Variants in SUGCT observed in about 807,000 individuals in gnomAD.
The protein encoded by SUGCT is succinyl-CoA:glutarate-CoA transferase.
SUGCT carries 41 observed loss-of-function variants against 55.0 expected under a neutral mutation model. The ratio of observed to expected loss-of-function variants is 0.74; its 90% confidence interval spans 0.58 to 0.97. SUGCT has a LOEUF of 0.97. Ranked by LOEUF, SUGCT falls within the 50% of genes least tolerant of loss-of-function variation. The probability of loss-of-function intolerance (pLI) is 0.00; values close to 1 mark genes in which losing one functional copy is unlikely to be tolerated. For missense variants in SUGCT, 568 were observed against 547.8 expected, an observed-to-expected ratio of 1.04 and a Z score of -0.37; for synonymous variants, 187 against 200.4, an observed-to-expected ratio of 0.93 and a Z score of 0.56.
At chr7:40,648,516 G>A (rs1800630368) in intron 12 of SUGCT, among the ~76,000 whole-genome samples, 1 of 152,162 alleles carries the variant, frequency 6.6e-6, no homozygotes, top group Non-Finnish European at 1.5e-5. Flanking sequence ...CTAACCCCTG[G>A]CACCTGTGTC....
At chr7:41,017,823 A>G in the SUGCT span, among the ~76,000 whole-genome samples, 3 of 151,902 alleles carry the variant, frequency 2.0e-5, no homozygotes, top group South Asian at 6.2e-4. Flanking sequence ...GAGGCCTGTA[A>G]GAATCCCCAT....
chr7:40,426,048 T>C (rs1403709792), intron 9 of SUGCT, among the ~76,000 whole-genome samples: 2 of 152,196 alleles, frequency 1.3e-5, no homozygotes, highest in Non-Finnish European at 2.9e-5. Flanking sequence ...ACTTAATAAC[T>C]TAAAGCTACC....
At chr7:40,198,691 G>A (rs1159044225) in intron 6 of SUGCT, among the ~76,000 whole-genome samples, 12 of 139,690 alleles carry the variant, frequency 8.6e-5, no homozygotes, top group African/African-American at 3.2e-5. Flanking sequence ...CAAAACCCCC[G>A]TCTCTACTAA....
chr7:40,155,627 A>T (rs992305350), intron 1 of SUGCT, among the ~76,000 whole-genome samples: 1 of 152,238 alleles, frequency 6.6e-6, no homozygotes, highest in Admixed American at 6.5e-5. Context: ...AGACATCATC[A>T]GACAAAAAAA....
At chr7:40,544,015 G>A (rs1051027168) in intron 12 of SUGCT, among the ~76,000 whole-genome samples, 2 of 152,036 alleles carry the variant, frequency 1.3e-5, no homozygotes, top group Non-Finnish European at 2.9e-5. Context: ...TGGTAAGGAG[G>A]CACTCTAGTT....
At chr7:40,598,051 A>T (rs1012262584) in intron 12 of SUGCT, among the ~76,000 whole-genome samples, 1 of 152,220 alleles carries the variant, frequency 6.6e-6, no homozygotes, top group African/African-American at 2.4e-5. Flanking sequence ...TCTCTGTCAC[A>T]TAGTGTACCC....
intron 13 of SUGCT, among the ~76,000 whole-genome samples, chr7:40,790,081 A>C (rs1790229924): frequency 3.9e-5 from 6 of 152,178 alleles, no homozygotes; most frequent in Admixed American, 3.9e-4. Flanking sequence ...CTATAGTAAA[A>C]CTTCGACATG....
the SUGCT span, among the ~76,000 whole-genome samples, chr7:40,907,096 A>AAT: frequency 4.9e-5 from 5 of 101,740 alleles, no homozygotes; most frequent in East Asian, 1.8e-3. Context: ...TTGTTCTGAT[A>AAT]GTGTGTGTGT....
At chr7:40,714,110 A>G (rs1346580453) in intron 12 of SUGCT, among the ~76,000 whole-genome samples, 2 of 152,162 alleles carry the variant, frequency 1.3e-5, no homozygotes, top group Non-Finnish European at 2.9e-5. Context: ...CAGGAGGATC[A>G]CTTGAGGTTA....
chr7:40,990,022 T>A, the SUGCT span, among the ~76,000 whole-genome samples: 1 of 152,218 alleles, frequency 6.6e-6, no homozygotes. Flanking sequence ...ATTACAAATG[T>A]TCTTAATGGC....
chr7:40,554,789 G>A (rs1435660276), intron 12 of SUGCT, among the ~76,000 whole-genome samples: 2 of 152,042 alleles, frequency 1.3e-5, no homozygotes, highest in African/African-American at 2.4e-5. Flanking sequence ...TCCTCTTCCA[G>A]CATCTCTCCT....
At chr7:40,995,170 G>A in the SUGCT span, among the ~76,000 whole-genome samples, 2 of 152,050 alleles carry the variant, frequency 1.3e-5, no homozygotes, top group Non-Finnish European at 2.9e-5. Context: ...CTAGGGCCTG[G>A]GAATAGAGAT....
intron 12 of SUGCT, among the ~76,000 whole-genome samples, chr7:40,621,901 C>G (rs753136390): frequency 2.0e-5 from 3 of 152,108 alleles, no homozygotes; most frequent in Non-Finnish European, 4.4e-5. Flanking sequence ...AAAATATGAT[C>G]ATTATTCTTA....
At chr7:40,628,990 A>C (rs925652792) in intron 12 of SUGCT, among the ~76,000 whole-genome samples, 1 of 151,962 alleles carries the variant, frequency 6.6e-6, no homozygotes, top group Admixed American at 6.6e-5. Flanking sequence ...GATAGGATTT[A>C]CTCTGTTTCA....
At chr7:40,196,947 G>A (rs1786325347) in intron 6 of SUGCT, among the ~76,000 whole-genome samples, 1 of 152,096 alleles carries the variant, frequency 6.6e-6, no homozygotes, top group African/African-American at 2.4e-5. Flanking sequence ...TGAGTCTCCT[G>A]CCTCAGCCAC....
At chr7:40,377,721 A>G (rs140744992) in intron 9 of SUGCT, among the ~76,000 whole-genome samples, 6 of 152,308 alleles carry the variant, frequency 3.9e-5, no homozygotes, top group African/African-American at 1.2e-4. Flanking sequence ...TTTAGTTACT[A>G]TATAGTGTCC....
chr7:40,906,136 T>G, the SUGCT span, among the ~76,000 whole-genome samples: 2 of 145,034 alleles, frequency 1.4e-5, no homozygotes, highest in African/African-American at 2.5e-5. Flanking sequence ...TTGTTTTTTG[T>G]TTTTTTTTTT....
chr7:40,617,389 T>C (rs1054473827), intron 12 of SUGCT, among the ~76,000 whole-genome samples: 4 of 152,088 alleles, frequency 2.6e-5, no homozygotes, highest in African/African-American at 4.8e-5. Context: ...ATGTCTCCTT[T>C]TGACATATTT....
intron 1 of SUGCT, among the ~76,000 whole-genome samples, chr7:40,151,268 CA>C (rs1184545899): frequency 6.6e-6 from 1 of 152,028 alleles, no homozygotes; most frequent in East Asian, 1.9e-4. Context: ...AATAAAGAAA[CA>C]AAGTTTTATC....
Sources: gnomAD v4.1 joint callset for allele counts (sites outside exome capture counted in the v4.1 genomes callset) on GRCh38, gnomAD v4.1.1 for gene constraint, MANE v1.5 for transcripts, NCBI Gene and HGNC (gene_info 2026-07-23, HGNC 2026-07-21) for gene names.